The following PCNX2 variants were observed in gnomAD, a reference collection of about 807,000 sequenced individuals.
PCNX2 encodes pecanex-like protein 2.
PCNX2 carries 168 observed loss-of-function variants against 223.8 expected under a neutral mutation model. The observed-to-expected ratio is 0.75, with a 90% CI of 0.66 to 0.85. The LOEUF is 0.85. Ranked by LOEUF, PCNX2 falls within the 40% of genes least tolerant of loss-of-function variation. The probability of loss-of-function intolerance (pLI) is 0.00; values close to 1 mark genes in which losing one functional copy is unlikely to be tolerated. For synonymous variants in PCNX2, 1,006 were observed against 1,052.6 expected, an observed-to-expected ratio of 0.96 and a Z score of 0.86; for missense variants, 2,507 against 2,675.5, an observed-to-expected ratio of 0.94 and a Z score of 1.39.
rs144455345 is a variant in PCNX2 at position 233,019,711 on chromosome 1, C to T, written c.4606-2557G>A. On this transcript the variant is annotated intron_variant, in intron 26 of 33. Coordinates refer to ENST00000258229, the MANE Select transcript of PCNX2 (RefSeq NM_014801.4). ...CCCAGGAGAGGTTGAGGCAGAGGGG[C>T]GAGGGGACAGGGATGGCATTAGGGG... Among the ~76,000 whole-genome samples, 37 of 151,732 alleles carry T rather than the reference C, an allele frequency of 2.4e-4. No homozygotes were observed. In the East Asian group the frequency reaches 6.8e-3, roughly 28 times the overall value.
At chr1:232,985,897 T>C (rs950244659) in intron 33 of PCNX2, 195 bp downstream of exon 33, 1 of 659,772 alleles carries the variant, frequency 1.5e-6, no homozygotes, top group Non-Finnish European at 2.7e-6. Flanking sequence ...ATCTGCTCTG[T>C]ATCTTGTCTG....
intron 10 of PCNX2, among the ~76,000 whole-genome samples, chr1:233,218,473 A>G (rs1040689421): frequency 6.6e-6 from 1 of 151,844 alleles, no homozygotes; most frequent in African/African-American, 2.4e-5. Flanking sequence ...GATGGTCTTG[A>G]TCTCCTGACC....
intron 13 of PCNX2, among the ~76,000 whole-genome samples, chr1:233,206,635 G>A (rs1182428413): frequency 6.6e-6 from 1 of 152,138 alleles, no homozygotes; most frequent in Non-Finnish European, 1.5e-5. Context: ...ATCAAATTAT[G>A]GATCTGTTCT....
chr1:233,149,352 T>A (rs973898199), intron 19 of PCNX2, among the ~76,000 whole-genome samples: 4 of 152,240 alleles, frequency 2.6e-5, no homozygotes, highest in Non-Finnish European at 4.4e-5. Context: ...ATCCTCAGGA[T>A]GTTTTCAGCT....
At chr1:233,022,045 C>G (rs573259905) in intron 26 of PCNX2, among the ~76,000 whole-genome samples, 2 of 152,274 alleles carry the variant, frequency 1.3e-5, no homozygotes, top group South Asian at 4.1e-4. Context: ...ACTCTCATCC[C>G]TCCTCCCTTC....
intron 19 of PCNX2, among the ~76,000 whole-genome samples, chr1:233,154,312 C>T (rs1452344948): frequency 6.6e-6 from 1 of 152,132 alleles, no homozygotes; most frequent in Non-Finnish European, 1.5e-5. Context: ...GATCTCCTGA[C>T]CTCATGGTCC....
At chr1:233,109,993 G>A (rs1675023322) in intron 21 of PCNX2, among the ~76,000 whole-genome samples, 1 of 152,168 alleles carries the variant, frequency 6.6e-6, no homozygotes, top group Admixed American at 6.5e-5. Context: ...GGAGACTGAG[G>A]TGGGAGAATC....
Position 233,057,218 on chromosome 1 carries a change from A to T in PCNX2, c.4135+14T>A, listed in dbSNP as rs773714491. ...ACAATAAATAGTTGAAAAAGAGAGA[A>T]GAGATCTTCTTACCTGGATCTCTTT... On this transcript the variant is annotated intron_variant, in intron 24 of 33. Transcript: ENST00000258229. 6.3e-7 allele frequency: 1 copy of T among 1,575,476 alleles called. No homozygotes were observed. Among genetic ancestry groups the T allele is most frequent in the South Asian group, 1.1e-5 (1 of 88,394 alleles).
At chr1:233,289,843 T>C (rs1287037216) in intron 1 of PCNX2, among the ~76,000 whole-genome samples, 1 of 152,212 alleles carries the variant, frequency 6.6e-6, no homozygotes, top group South Asian at 2.1e-4. Flanking sequence ...ACAACAATCA[T>C]GTGGAATGGG....
chr1:233,154,251 TG>T (rs1298749008), intron 19 of PCNX2, among the ~76,000 whole-genome samples: 2 of 152,106 alleles, frequency 1.3e-5, no homozygotes, highest in African/African-American at 4.8e-5. Context: ...ACTAATTTTT[TG>T]TAATTTTTTA....
At chr1:233,292,840 T>C (rs1350720312) in intron 1 of PCNX2, among the ~76,000 whole-genome samples, 1 of 152,158 alleles carries the variant, frequency 6.6e-6, no homozygotes, top group African/African-American at 2.4e-5. Flanking sequence ...TATTAAAAAG[T>C]AGCATAACAG....
chr1:233,093,266 G>C (rs577992853), intron 22 of PCNX2, among the ~76,000 whole-genome samples: 1 of 152,284 alleles, frequency 6.6e-6, no homozygotes, highest in Admixed American at 6.5e-5. Flanking sequence ...CATATTAAAA[G>C]GGTGAATATT....
At position 233,054,251 on chromosome 1, in the gene PCNX2, A is replaced by G. The variant is rs201482711; in HGVS notation, c.4351+17T>C. Reference sequence around the variant, plus strand: ...GCAACCAACTTTCAACAGTTTCTACAATGAAGAAATTCTTACCTCGGAATT... The same window carrying G: ...GCAACCAACTTTCAACAGTTTCTACGATGAAGAAATTCTTACCTCGGAATT... On this transcript the variant is annotated intron_variant, in intron 25 of 33. Coordinates refer to ENST00000258229, the MANE Select transcript of PCNX2 (RefSeq NM_014801.4). 13 of 1,607,098 alleles carry G rather than the reference A, an allele frequency of 8.1e-6. No individual in the cohort carries two copies. Among genetic ancestry groups the G allele is most frequent in the Non-Finnish European group, 1.1e-5 (13 of 1,174,910 alleles).
intron 19 of PCNX2, among the ~76,000 whole-genome samples, chr1:233,160,069 T>C (rs2102819620): frequency 6.6e-6 from 1 of 152,338 alleles, no homozygotes; most frequent in Non-Finnish European, 1.5e-5. Flanking sequence ...TATGGTTGGC[T>C]AGAATATCTG....
chr1:233,066,830 C>T (rs28765453), intron 23 of PCNX2, among the ~76,000 whole-genome samples: 48,026 of 152,020 alleles, frequency 0.32, 10,254 homozygotes, highest in African/African-American at 0.61. Context: ...TGAGATGGTG[C>T]CAAAAGAGAC....
intron 32 of PCNX2, among the ~76,000 whole-genome samples, chr1:232,994,588 T>C (rs899774663): frequency 2.0e-5 from 3 of 152,130 alleles, no homozygotes; most frequent in Non-Finnish European, 2.9e-5. Flanking sequence ...GGAAGCATGA[T>C]TGGTTTTGAA....
At position 233,258,945 on chromosome 1, in the gene PCNX2, T is replaced by C. The variant is rs1179508004; in HGVS notation, c.917A>G (p.Asp306Gly). 6.2e-7 allele frequency: 1 copy of C among 1,613,806 alleles called. No individual in the cohort carries two copies. Among genetic ancestry groups the C allele is most frequent in the Non-Finnish European group, 8.5e-7 (1 of 1,179,870 alleles). ...RERVQSKSPQ[D>G]SLSSSCPQCD... ...TTGAGGGCAGCTGCTGCTCAGGCTG[T>C]CCTGAGGTGACTTGCTTTGTACCCG... is the stretch of plus-strand genomic sequence containing the variant. The change falls in exon 5 of 34, where the codon GAC becomes GGC. Residue 306 changes from aspartate to glycine, a missense_variant. Coordinates refer to ENST00000258229, the MANE Select transcript of PCNX2 (RefSeq NM_014801.4).
chr1:233,125,884 G>A (rs1228038718), intron 21 of PCNX2: 6 of 152,154 alleles, frequency 3.9e-5, no homozygotes, highest in African/African-American at 1.4e-4. Context: ...TAATGCCTTT[G>A]GGTCATTCAG....
rs1244299663 is a variant in PCNX2 at position 232,986,104 on chromosome 1, G to C, written c.6228C>G (p.Ser2076Arg). Residue 2076 changes from serine (S) to arginine (R), a missense_variant, in exon 33 of 34, where the codon AGC becomes AGG. Ser to Arg is a moderately radical substitution (Grantham distance 110). This residue lies in a region of PCNX2 where 1,372 missense variants were observed against 1,509.4 expected (regional missense o/e 0.91). Coordinates refer to ENST00000258229, the MANE Select transcript of PCNX2 (RefSeq NM_014801.4). ...IVMGPSARAA[S>R]QATRHLSEPC... ...CCCAGCCCCTTACCCGAGTGGCCTGGCTGGCAGCCCTGGCTGAGGGGCCCA... is the reference window on the plus strand; with the variant it reads ...CCCAGCCCCTTACCCGAGTGGCCTGCCTGGCAGCCCTGGCTGAGGGGCCCA... The C allele has an allele frequency of 1.3e-6, 2 of 1,563,030 alleles. No individual in the cohort carries two copies. The highest frequency in any genetic ancestry group is 1.4e-5 in the African/African-American group (1 of 73,958).
Sources: allele counts gnomAD v4.1 joint callset (sites outside exome capture counted in the v4.1 genomes callset), GRCh38; gene constraint gnomAD v4.1.1; regional missense constraint gnomAD v4.1.1; transcripts MANE v1.5; gene names NCBI Gene and HGNC (gene_info 2026-07-23, HGNC 2026-07-21).